ROBO1: variants seen among roughly 807,000 people sequenced by gnomAD.
The protein encoded by ROBO1 is roundabout homolog 1.
ROBO1 carries 149 observed loss-of-function variants against 195.9 expected under a neutral mutation model. The observed-to-expected ratio is 0.76, with a 90% CI of 0.67 to 0.87. The LOEUF is 0.87. ROBO1 is among the 40% of genes least tolerant of loss of function. ROBO1 has a pLI of 0.00. For synonymous variants in ROBO1, 816 were observed against 733.2 expected, an observed-to-expected ratio of 1.11 and a Z score of -1.82; for missense variants, 1,933 against 2,068.3, an observed-to-expected ratio of 0.93 and a Z score of 1.27.
intron 3 of ROBO1, among the ~76,000 whole-genome samples, chr3:79,113,345 T>A (rs756346183): frequency 3.9e-5 from 6 of 152,080 alleles, no homozygotes; most frequent in Non-Finnish European, 7.4e-5. Context: ...GAATCAGCAA[T>A]TGGCAAAATA....
intron 2 of ROBO1, among the ~76,000 whole-genome samples, chr3:79,145,927 G>A (rs1372520483): frequency 2.0e-5 from 3 of 151,902 alleles, no homozygotes; most frequent in Non-Finnish European, 4.4e-5. Context: ...TGTAGATGAT[G>A]TGATTAGAGA....
At chr3:78,912,660 T>C (rs1415587557) in intron 4 of ROBO1, among the ~76,000 whole-genome samples, 1 of 152,138 alleles carries the variant, frequency 6.6e-6, no homozygotes, top group Non-Finnish European at 1.5e-5. Flanking sequence ...TCATCAATTT[T>C]AGCTAAATAG....
Position 79,614,785 on chromosome 3 carries a change from T to C in ROBO1, c.-50-24824A>G, listed in dbSNP as rs61507762. On this transcript the variant is annotated intron_variant, in intron 1 of 30. Coordinates refer to ENST00000464233, the MANE Select transcript of ROBO1 (RefSeq NM_002941.4). Reference sequence around the variant, plus strand: ...CATCAATTTTTCTCAAATTGATCTATGATTTCAATGCAATCCCAATTATAA... The same window carrying C: ...CATCAATTTTTCTCAAATTGATCTACGATTTCAATGCAATCCCAATTATAA... Among the ~76,000 whole-genome samples, 999 of 150,420 alleles carry C rather than the reference T, an allele frequency of 6.6e-3. 10 individuals are homozygous for C. The highest frequency in any genetic ancestry group is 0.023 in the African/African-American group (940 of 40,846).
intron 28 of ROBO1, among the ~76,000 whole-genome samples, chr3:78,610,008 G>A (rs900506721): frequency 5.3e-5 from 8 of 152,116 alleles, no homozygotes; most frequent in South Asian, 2.1e-4. Context: ...CCTACCAGCT[G>A]TTTTACTTAG....
chr3:78,994,237 T>C (rs1157042195), intron 3 of ROBO1, among the ~76,000 whole-genome samples: 1 of 152,122 alleles, frequency 6.6e-6, no homozygotes, highest in African/African-American at 2.4e-5. Context: ...TCGACTGATA[T>C]CCAGGCTCCA....
At chr3:79,732,068 C>A (rs1276870087) in intron 1 of ROBO1, among the ~76,000 whole-genome samples, 1 of 151,982 alleles carries the variant, frequency 6.6e-6, no homozygotes, top group African/African-American at 2.4e-5. Flanking sequence ...ATGTATTAGT[C>A]TACACCCTCT....
At position 79,665,331 on chromosome 3, in the gene ROBO1, C is replaced by A. The variant is rs982210971; in HGVS notation, c.-50-75370G>T. On this transcript the variant is annotated intron_variant, in intron 1 of 30. Transcript: ENST00000464233. Reference sequence around the variant, plus strand: ...TATGGTATTTTATTTAAAATAATTCCTTCAATATCAGTTTCTTATTTTCAT... The same window carrying A: ...TATGGTATTTTATTTAAAATAATTCATTCAATATCAGTTTCTTATTTTCAT... Among the ~76,000 whole-genome samples, 3 of 151,700 alleles carry A rather than the reference C, an allele frequency of 2.0e-5. No individual in the cohort carries two copies. The East Asian group carries it at 5.8e-4, about 29-fold the overall frequency.
At chr3:78,981,721 G>C (rs1219907713) in intron 3 of ROBO1, among the ~76,000 whole-genome samples, 1 of 151,476 alleles carries the variant, frequency 6.6e-6, no homozygotes, top group South Asian at 2.1e-4. Flanking sequence ...GGGCTTGAAG[G>C]CCGCCTCAGA....
chr3:78,799,104 C>T (rs1167826459), intron 4 of ROBO1, among the ~76,000 whole-genome samples: 1 of 152,130 alleles, frequency 6.6e-6, no homozygotes, highest in Non-Finnish European at 1.5e-5. Context: ...GAATTCTTCT[C>T]TTTGATTGCT....
In ROBO1 at chr3:78,836,307, T is replaced by C. The variant is rs11929060; in HGVS notation, c.500-89407A>G. Among the ~76,000 whole-genome samples the C allele has an allele frequency of 7.8e-3, 1,180 of 152,050 alleles. 11 individuals carry two copies. Among genetic ancestry groups the C allele is most frequent in the African/African-American group, 0.027 (1,122 of 41,472 alleles). On this transcript the variant is annotated intron_variant, in intron 4 of 30. Transcript: ENST00000464233. ...GCGGGCGGATCACGAGGTCAGGAGA[T>C]AGAGACCATCCTGGCTAACACGGTG...
intron 2 of ROBO1, among the ~76,000 whole-genome samples, chr3:79,362,192 A>G (rs2035796021): frequency 6.6e-6 from 1 of 152,152 alleles, no homozygotes; most frequent in Non-Finnish European, 1.5e-5. Context: ...CAAATGAAAG[A>G]TACAAGACAG....
At chr3:78,766,534 T>C (rs557341767) in intron 4 of ROBO1, among the ~76,000 whole-genome samples, 1 of 152,158 alleles carries the variant, frequency 6.6e-6, no homozygotes, top group African/African-American at 2.4e-5. Context: ...TTTACGGTTT[T>C]TTTAGGTAAA....
intron 3 of ROBO1, among the ~76,000 whole-genome samples, chr3:79,116,419 C>CTCTGT (rs368295417): frequency 8.2e-5 from 12 of 145,582 alleles, no homozygotes; most frequent in African/African-American, 3.0e-4. Context: ...CCTTCCTTCT[C>CTCTGT]TATTTTCTTT....
intron 2 of ROBO1, among the ~76,000 whole-genome samples, chr3:79,368,891 GT>G (rs1280404340): frequency 6.6e-6 from 1 of 152,066 alleles, no homozygotes; most frequent in East Asian, 1.9e-4. Flanking sequence ...TGATGAAAGA[GT>G]TTTTCAATAA....
At chr3:78,611,507 AAAT>A (rs1703811235) in intron 28 of ROBO1, among the ~76,000 whole-genome samples, 1 of 152,312 alleles carries the variant, frequency 6.6e-6, no homozygotes, top group South Asian at 2.1e-4. Flanking sequence ...AATATGGAAT[AAAT>A]AAATCATTAG....
intron 10 of ROBO1, among the ~76,000 whole-genome samples, chr3:78,681,747 C>T (rs940189993): frequency 1.3e-5 from 2 of 152,066 alleles, no homozygotes. Flanking sequence ...ACTAAAAATA[C>T]AAAAATTAGT....
chr3:78,971,833 T>C (rs1208334380), intron 3 of ROBO1, among the ~76,000 whole-genome samples: 1 of 152,194 alleles, frequency 6.6e-6, no homozygotes, highest in African/African-American at 2.4e-5. Flanking sequence ...TGGTGCCATC[T>C]TGGCTCACTA....
rs186068453 is a variant in ROBO1 at position 78,746,186 on chromosome 3, C to T, written c.657+557G>A. 5.3e-5 allele frequency among the ~76,000 whole-genome samples: 8 copies of T among 152,286 alleles called. No individual in the cohort carries two copies. The East Asian group carries it at 1.3e-3, about 26-fold the overall frequency. On this transcript the variant is annotated intron_variant, in intron 5 of 30. Coordinates refer to ENST00000464233, the MANE Select transcript of ROBO1 (RefSeq NM_002941.4). ...CATACAAATCACATATAATTTCTTACATCAGAGCAGGAATTTGAAATCCAA... is the reference window on the plus strand; with the variant it reads ...CATACAAATCACATATAATTTCTTATATCAGAGCAGGAATTTGAAATCCAA...
intron 2 of ROBO1, among the ~76,000 whole-genome samples, chr3:79,422,054 AT>A (rs1264923894): frequency 4.0e-5 from 6 of 148,934 alleles, no homozygotes; most frequent in Non-Finnish European, 7.4e-5. Flanking sequence ...TAAAATGTAT[AT>A]TTTATATATA....
Sources: allele counts gnomAD v4.1 joint callset (sites outside exome capture counted in the v4.1 genomes callset), GRCh38; gene constraint gnomAD v4.1.1; transcripts MANE v1.5; gene names NCBI Gene and HGNC (gene_info 2026-07-23, HGNC 2026-07-21).